The following NTNG1 variants were observed in gnomAD, a reference collection of about 807,000 sequenced individuals.
NTNG1 encodes the protein netrin-G1.
Under a neutral mutation model 54.0 loss-of-function variants are expected in NTNG1, and 16 were observed. That is an observed-to-expected ratio of 0.30 (90% confidence interval 0.20 to 0.45). The LOEUF (loss-of-function observed/expected upper bound fraction) is 0.45, where lower values mean the gene tolerates loss of function less well. Ranked by LOEUF, NTNG1 falls within the 20% of genes least tolerant of loss-of-function variation. NTNG1 has a pLI of 1.00. For missense variants in NTNG1, 530 were observed against 678.7 expected (o/e 0.78, Z 2.43); for synonymous variants, 255 against 263.1 (o/e 0.97, Z 0.30).
chr1:107,244,726 A>G (rs565735117), intron 2 of NTNG1, among the ~76,000 whole-genome samples: 17 of 152,014 alleles, frequency 1.1e-4, no homozygotes, highest in African/African-American at 3.4e-4. Context: ...CTGTCTGCCA[A>G]TCTAGCTCTC....
chr1:107,447,270 G>A (rs973278008), intron 7 of NTNG1, among the ~76,000 whole-genome samples: 1 of 151,900 alleles, frequency 6.6e-6, no homozygotes, highest in African/African-American at 2.4e-5. Flanking sequence ...TCAATAATAT[G>A]GACAACTACT....
rs369687969 is a variant in NTNG1 at position 107,216,686 on chromosome 1, CT to C, written c.246+67861del. ...TAGAATGATTTAAGGAGGATTCCCTCTTTTTTTTTTTTTTGGGAGTCTTCCT... is the reference window on the plus strand; with the variant it reads ...TAGAATGATTTAAGGAGGATTCCCTCTTTTTTTTTTTTTGGGAGTCTTCCT... On this transcript the variant is annotated intron_variant, in intron 2 of 7. Coordinates refer to ENST00000370068, the MANE Select transcript of NTNG1 (RefSeq NM_001113226.3). Among the ~76,000 whole-genome samples the C allele has an allele frequency of 7.9e-3, 1,105 of 139,650 alleles. 5 individuals carry two copies. The highest frequency in any genetic ancestry group is 0.013 in the Admixed American group (185 of 13,908). 91.6% of individuals were successfully genotyped at this position (139,650 alleles called of 152,430 possible).
In NTNG1 at chr1:107,226,345, ACAGT is replaced by A. The variant is rs550973698; in HGVS notation, c.246+77510_246+77513del. Reference sequence around the variant, plus strand: ...CTGCTATTCAGATGCAACCATTAACACAGTCAGGAAGTAAAATGTTACATCTGAG... The same window carrying A: ...CTGCTATTCAGATGCAACCATTAACACAGGAAGTAAAATGTTACATCTGAG... On this transcript the variant is annotated intron_variant, in intron 2 of 7. Transcript: ENST00000370068. Among the ~76,000 whole-genome samples the A allele has an allele frequency of 2.6e-3, 393 of 152,262 alleles. 1 individual carries two copies. The highest frequency in any genetic ancestry group is 8.7e-3 in the African/African-American group (360 of 41,564).
Position 107,480,783 on chromosome 1 carries a change from C to A in NTNG1, c.1563C>A (p.Ser521=). The part of the protein sequence containing the change: ...DSGQGAPPHG[S]PALLLLTTLL... ...GCCAGGGCGCGCCCCCGCACGGCTC[C>A]CCAGCGCTGCTGCTGCTGACCACGC... The change falls in exon 8 of 8, where the codon TCC becomes TCA. Residue 521 remains serine (S), a synonymous_variant. Transcript: ENST00000370068. The A allele has an allele frequency of 3.8e-6, 6 of 1,598,198 alleles. No individual in the cohort carries two copies. The highest frequency in any genetic ancestry group is 4.3e-6 in the Non-Finnish European group (5 of 1,173,710).
chr1:107,179,555 A>T (rs910017987), intron 2 of NTNG1, among the ~76,000 whole-genome samples: 1 of 152,116 alleles, frequency 6.6e-6, no homozygotes, highest in Admixed American at 6.6e-5. Flanking sequence ...TATGAATATA[A>T]AACATTCTTG....
intron 2 of NTNG1, among the ~76,000 whole-genome samples, chr1:107,263,476 C>T (rs542765099): frequency 1.3e-5 from 2 of 152,178 alleles, no homozygotes; most frequent in South Asian, 4.1e-4. Context: ...AAGTGTGAAT[C>T]ATGAATAGTG....
At chr1:107,299,020 T>G (rs1666158131) in intron 2 of NTNG1, among the ~76,000 whole-genome samples, 1 of 152,172 alleles carries the variant, frequency 6.6e-6, no homozygotes, top group African/African-American at 2.4e-5. Context: ...GGGTTATGGG[T>G]ACATTATGCT....
At chr1:107,370,523 C>T (rs1670856990) in intron 3 of NTNG1, among the ~76,000 whole-genome samples, 1 of 151,790 alleles carries the variant, frequency 6.6e-6, no homozygotes, top group South Asian at 2.1e-4. Context: ...TCATACTTTC[C>T]ACCGAGTCCC....
chr1:107,343,938 G>C (rs936838956), intron 3 of NTNG1, among the ~76,000 whole-genome samples: 1 of 151,992 alleles, frequency 6.6e-6, no homozygotes, highest in Non-Finnish European at 1.5e-5. Context: ...AATCAGACAA[G>C]CGATACCTGA....
At chr1:107,395,972 C>T (rs1479288462) in intron 4 of NTNG1, among the ~76,000 whole-genome samples, 3 of 152,130 alleles carry the variant, frequency 2.0e-5, no homozygotes, top group East Asian at 1.9e-4. Flanking sequence ...AAGCATTATC[C>T]GCGTTTACAG....
intron 2 of NTNG1, among the ~76,000 whole-genome samples, chr1:107,244,782 T>A (rs1049172154): frequency 6.6e-6 from 1 of 152,102 alleles, no homozygotes; most frequent in Admixed American, 6.5e-5. Context: ...AGGTGAAGAG[T>A]GTGGCGCGAA....
intron 2 of NTNG1, among the ~76,000 whole-genome samples, chr1:107,252,005 T>TA (rs139575083): frequency 0.019 from 2,868 of 152,142 alleles, 96 homozygotes; most frequent in African/African-American, 0.066. Flanking sequence ...TCTATCCACT[T>TA]ACTAATTGTA....
At chr1:107,334,448 G>A (rs1158621588) in intron 3 of NTNG1, among the ~76,000 whole-genome samples, 1 of 151,768 alleles carries the variant, frequency 6.6e-6, no homozygotes, top group Non-Finnish European at 1.5e-5. Flanking sequence ...ACAGGGAACA[G>A]ATGGGGGAAG....
chr1:107,368,357 A>T (rs565982224), intron 3 of NTNG1, among the ~76,000 whole-genome samples: 1 of 152,028 alleles, frequency 6.6e-6, no homozygotes, highest in African/African-American at 2.4e-5. Flanking sequence ...TGGCAGAATT[A>T]TTTAGTACAA....
At chr1:107,312,893 T>C (rs1667110288) in intron 2 of NTNG1, among the ~76,000 whole-genome samples, 1 of 152,204 alleles carries the variant, frequency 6.6e-6, no homozygotes, top group South Asian at 2.1e-4. Flanking sequence ...AAATACCTTT[T>C]TTTTTCCTGA....
At position 107,370,041 on chromosome 1, in the gene NTNG1, G is replaced by A. The variant is rs149200944; in HGVS notation, c.888-25113G>A. On this transcript the variant is annotated intron_variant, in intron 3 of 7. Coordinates refer to ENST00000370068, the MANE Select transcript of NTNG1 (RefSeq NM_001113226.3). ...TCAAAAATCAGTTGTGTATATATGC[G>A]TGGCCTATTTCTGGATGCTATATTC... Among the ~76,000 whole-genome samples, 591 of 151,960 alleles carry A rather than the reference G, an allele frequency of 3.9e-3. 6 individuals are homozygous for A. Among genetic ancestry groups the A allele is most frequent in the African/African-American group, 0.013 (533 of 41,508 alleles).
At chr1:107,420,705 G>A (rs914570473) in intron 5 of NTNG1, among the ~76,000 whole-genome samples, 1 of 151,936 alleles carries the variant, frequency 6.6e-6, no homozygotes, top group African/African-American at 2.4e-5. Context: ...AGTTTATCAT[G>A]ACACAGAATG....
intron 2 of NTNG1, among the ~76,000 whole-genome samples, chr1:107,293,253 T>C (rs1225976192): frequency 6.6e-6 from 1 of 152,182 alleles, no homozygotes; most frequent in Non-Finnish European, 1.5e-5. Flanking sequence ...ATTTAAAAAG[T>C]ATGAAGAAAT....
At chr1:107,340,157 TG>T (rs1668816981) in intron 3 of NTNG1, among the ~76,000 whole-genome samples, 1 of 152,118 alleles carries the variant, frequency 6.6e-6, no homozygotes, top group Non-Finnish European at 1.5e-5. Flanking sequence ...TCATTTTAAA[TG>T]GTTGATTATC....
Sources: allele counts gnomAD v4.1 joint callset (sites outside exome capture counted in the v4.1 genomes callset), GRCh38; gene constraint gnomAD v4.1.1; transcripts MANE v1.5; gene names NCBI Gene and HGNC (gene_info 2026-07-23, HGNC 2026-07-21).